XIRP1: variants seen among roughly 807,000 people sequenced by gnomAD.
XIRP1 encodes the protein xin actin-binding repeat-containing protein 1.
For synonymous variants in XIRP1, 984 were observed against 947.0 expected (o/e 1.04, Z -0.72); for missense variants, 2,378 against 2,345.4 (o/e 1.01, Z -0.29).
chr3:39,191,968 A>T (rs1221404594), intron 1 of XIRP1, among the ~76,000 whole-genome samples: 1 of 152,174 alleles, frequency 6.6e-6, no homozygotes, highest in East Asian at 1.9e-4. Flanking sequence ...CCTGGGCCAG[A>T]TATGCCAAGA....
chr3:39,186,041 C>T lies in XIRP1; in HGVS notation c.3405G>A (p.Trp1135Ter), dbSNP rs2039963331. The T allele has an allele frequency of 6.2e-7, 1 of 1,613,422 alleles. No homozygotes were observed. Among genetic ancestry groups the T allele is most frequent in the Non-Finnish European group, 8.5e-7 (1 of 1,179,774 alleles). The change falls in exon 2 of 2, where the codon TGG (tryptophan) becomes TGA (stop). Residue 1135 changes from tryptophan (W) to a stop codon, truncating the protein, a stop_gained. Transcript: ENST00000340369. LOFTEE classifies it low-confidence loss of function (END_TRUNC). ...QALPRGLPGG[W>*]VTIQDGIYTA... ...TGTAGATGCCATCCTGAATTGTCAC[C>T]CACCCCCCAGGCAGCCCTCTGGGTA... is the stretch of plus-strand genomic sequence containing the variant.
At position 39,185,490 on chromosome 3, in the gene XIRP1, G is replaced by A. The variant is rs1423855991; in HGVS notation, c.3956C>T (p.Pro1319Leu). 3.6e-5 allele frequency: 57 copies of A among 1,564,104 alleles called. 1 individual carries two copies. The Admixed American group carries it at 1.0e-3, about 28-fold the overall frequency. ...GGGCAGCTGCGGCTTCTTCTTTGGGGGCATGGTGGGGTCCAGTTTTGGGGT... is the reference window on the plus strand; with the variant it reads ...GGGCAGCTGCGGCTTCTTCTTTGGGAGCATGGTGGGGTCCAGTTTTGGGGT... ...TKTPKLDPTM[P>L]PKKKPQLPPK... The change falls in exon 2 of 2, where the codon CCC becomes CTC. Residue 1319 changes from proline to leucine, a missense_variant. Pro to Leu is a moderately conservative substitution (Grantham distance 98). Transcript: ENST00000340369.
At position 39,189,035 on chromosome 3, in the gene XIRP1, G is replaced by A. The variant is rs1293172523; in HGVS notation, c.411C>T (p.Asn137=). The A allele has an allele frequency of 1.2e-6, 2 of 1,613,964 alleles. No individual in the cohort carries two copies. The highest frequency in any genetic ancestry group is 1.7e-6 in the Non-Finnish European group (2 of 1,180,060). The part of the protein sequence containing the change: ...SRKFEEGSFA[N]STDQEPTRPQ... ...GCCTGGTTGGCTCCTGGTCTGTGCT[G>A]TTGGCAAAGGAGCCTTCCTCAAACT... Residue 137 remains asparagine (N), a synonymous_variant, in exon 2 of 2, where the codon AAC becomes AAT. Coordinates refer to ENST00000340369, the MANE Select transcript of XIRP1 (RefSeq NM_194293.4).
In XIRP1 at chr3:39,183,889, C is replaced by A; in HGVS notation, c.*25G>T. On this transcript the variant is annotated 3_prime_UTR_variant, in exon 2 of 2. Coordinates refer to ENST00000340369, the MANE Select transcript of XIRP1 (RefSeq NM_194293.4). ...GGCAGTGGAGGCCAGGAACAGGTGG[C>A]AGGTGTGGTGGGAGGCGGTGGGCCT... 1 of 1,598,036 alleles carries A rather than the reference C, an allele frequency of 6.3e-7. No individual in the cohort carries two copies. Among genetic ancestry groups the A allele is most frequent in the South Asian group, 1.1e-5 (1 of 89,304 alleles).
At position 39,188,098 on chromosome 3, in the gene XIRP1, A is replaced by C. The variant is rs2040019275; in HGVS notation, c.1348T>G (p.Leu450Val). 6.2e-7 allele frequency: 1 copy of C among 1,614,168 alleles called. No individual in the cohort carries two copies. The change falls in exon 2 of 2, where the codon TTG becomes GTG. Residue 450 changes from leucine to valine, a missense_variant. Physicochemically the swap from Leu to Val is conservative, Grantham distance 32 (BLOSUM62 1). Coordinates refer to ENST00000340369, the MANE Select transcript of XIRP1 (RefSeq NM_194293.4). ...TFKNLFETLPLDSIGQGEVLA... is the reference protein window; with the variant it reads ...TFKNLFETLPVDSIGQGEVLA... ...ACCTCACCCTGTCCAATGCTGTCCA[A>C]GGGAAGGGTCTCAAAAAGGTTCTTA...
chr3:39,184,134 T>C lies in XIRP1; in HGVS notation c.5312A>G (p.Gln1771Arg). The change falls in exon 2 of 2, where the codon CAG (glutamine) becomes CGG (arginine). Residue 1771 changes from glutamine (Q) to arginine (R), a missense_variant. Transcript: ENST00000340369. ...HYGAMRTVTE[Q>R]YEEVDQFGNT... Reference sequence around the variant, plus strand: ...CCCAAACTGGTCCACCTCCTCATACTGTTCAGTCACGGTTCTCATGGCTCC... The same window carrying C: ...CCCAAACTGGTCCACCTCCTCATACCGTTCAGTCACGGTTCTCATGGCTCC... 2 of 1,611,328 alleles carry C rather than the reference T, an allele frequency of 1.2e-6. No homozygotes were observed. Among genetic ancestry groups the C allele is most frequent in the South Asian group, 2.2e-5 (2 of 90,744 alleles).
intron 1 of XIRP1, among the ~76,000 whole-genome samples, chr3:39,190,244 T>A (rs764414144): frequency 6.6e-6 from 1 of 152,072 alleles, no homozygotes; most frequent in Non-Finnish European, 1.5e-5. Flanking sequence ...ATCTCAAAGG[T>A]CTTTTAGCAC....
At position 39,185,821 on chromosome 3, in the gene XIRP1, T is replaced by C; in HGVS notation, c.3625A>G (p.Lys1209Glu). 1 of 1,613,704 alleles carries C rather than the reference T, an allele frequency of 6.2e-7. No homozygotes were observed. Among genetic ancestry groups the C allele is most frequent in the Non-Finnish European group, 8.5e-7 (1 of 1,179,854 alleles). Residue 1209 changes from lysine (K) to glutamate (E), a missense_variant, in exon 2 of 2, where the codon AAG becomes GAG. By Grantham distance (56) the Lys-to-Glu change is moderately conservative (BLOSUM62 1). Coordinates refer to ENST00000340369, the MANE Select transcript of XIRP1 (RefSeq NM_194293.4). ...CCTGGGCAGACTTCTGCCATCGCCT[T>C]CCCTGGTGGCCCCCAGGCCATCTGT... ...CTQMAWGPPGKAMAEVCPGGL... is the reference protein window; with the variant it reads ...CTQMAWGPPGEAMAEVCPGGL...
In XIRP1 at chr3:39,184,801, C is replaced by G; in HGVS notation, c.4645G>C (p.Asp1549His). Reference sequence around the variant, plus strand: ...GCCTTGTGCACAGCCTCTTCAATGTCCAGCAGCCTTGCCAAGGTCTGTTCC... The same window carrying G: ...GCCTTGTGCACAGCCTCTTCAATGTGCAGCAGCCTTGCCAAGGTCTGTTCC... ...LKEQTLARLL[D>H]IEEAVHKALS... is the part of the protein sequence containing the mutation. Residue 1549 changes from aspartate to histidine, a missense_variant, in exon 2 of 2, where the codon GAC (aspartate) becomes CAC (histidine). Physicochemically the swap from Asp to His is moderately conservative, Grantham distance 81 (BLOSUM62 -1). Transcript: ENST00000340369. 6.2e-7 allele frequency: 1 copy of G among 1,614,216 alleles called. No homozygotes were observed. Among genetic ancestry groups the G allele is most frequent in the South Asian group, 1.1e-5 (1 of 91,078 alleles).
At position 39,186,239 on chromosome 3, in the gene XIRP1, G is replaced by T; in HGVS notation, c.3207C>A (p.His1069Gln). The T allele has an allele frequency of 1.9e-6, 3 of 1,613,840 alleles. No homozygotes were observed. The highest frequency in any genetic ancestry group is 2.5e-6 in the Non-Finnish European group (3 of 1,179,944). The change falls in exon 2 of 2, where the codon CAC (histidine) becomes CAA (glutamine). Residue 1069 changes from histidine (H) to glutamine (Q), a missense_variant. His to Gln is a conservative substitution (Grantham distance 24). Coordinates refer to ENST00000340369, the MANE Select transcript of XIRP1 (RefSeq NM_194293.4). ...GCTTGTGCTTGTTCAGAACTTGCTG[G>T]TGCAGGCTCTGGGCTTCAGCTGTTG... ...RMATAEAQSL[H>Q]QQVLNKHKQG...
Position 39,188,812 on chromosome 3 carries a change from G to A in XIRP1, c.634C>T (p.Gln212Ter), listed in dbSNP as rs778143281. Reference sequence around the variant, plus strand: ...TCTGAGCGCAGTTCCAAGGGGCTCTGCTCCTGCAGGGAGGGGCGGGAGCCC... The same window carrying A: ...TCTGAGCGCAGTTCCAAGGGGCTCTACTCCTGCAGGGAGGGGCGGGAGCCC... ...RLGSRPSLQE[Q>*]SPLELRSEIQ... Residue 212 changes from glutamine to a stop codon, truncating the protein, a stop_gained, in exon 2 of 2, where the codon CAG (glutamine) becomes TAG (stop). Coordinates refer to ENST00000340369, the MANE Select transcript of XIRP1 (RefSeq NM_194293.4). LOFTEE classifies it low-confidence loss of function (END_TRUNC). 25 of 1,613,318 alleles carry A rather than the reference G, an allele frequency of 1.5e-5. No individual in the cohort carries two copies. In the South Asian group the frequency reaches 2.6e-4, roughly 17 times the overall value.
chr3:39,184,238 G>C lies in XIRP1; in HGVS notation c.5208C>G (p.Pro1736=), dbSNP rs775042793. The C allele has an allele frequency of 6.2e-6, 10 of 1,614,190 alleles. No homozygotes were observed. The East Asian group carries it at 2.2e-4, about 36-fold the overall frequency. ...ACCCTCTGGGCAGGGGACTGGCTGA[G>C]GGAGGGGCAGGTTCAGGTTGCACAG... ...QCSVQPEPAP[P]SASPLPRGWQ... Residue 1736 remains proline, a synonymous_variant, in exon 2 of 2, where the codon CCC becomes CCG. Transcript: ENST00000340369.
Position 39,186,636 on chromosome 3 carries a change from TCTC to T in XIRP1, c.2807_2809del (p.Gly936del). 1 of 1,610,840 alleles carries T rather than the reference TCTC, an allele frequency of 6.2e-7. No homozygotes were observed. The highest frequency in any genetic ancestry group is 8.5e-7 in the Non-Finnish European group (1 of 1,178,002). Reference sequence around the variant, plus strand: ...CCGCAGACTGTGCAGGCCACTCAGGTCTCCTTTATCTATGCAGCTGGCCAACAG... The same window carrying T: ...CCGCAGACTGTGCAGGCCACTCAGGTCTTTATCTATGCAGCTGGCCAACAG... On this transcript the variant is annotated inframe_deletion, in exon 2 of 2. Coordinates refer to ENST00000340369, the MANE Select transcript of XIRP1 (RefSeq NM_194293.4).
Position 39,185,406 on chromosome 3 carries a change from G to T in XIRP1, c.4040C>A (p.Pro1347His), listed in dbSNP as rs2039947359. 6.2e-7 allele frequency: 1 copy of T among 1,613,930 alleles called. No homozygotes were observed. The change falls in exon 2 of 2, where the codon CCT becomes CAT. Residue 1347 changes from proline (P) to histidine (H), a missense_variant. By Grantham distance (77) the Pro-to-His change is moderately conservative (BLOSUM62 -2). Coordinates refer to ENST00000340369, the MANE Select transcript of XIRP1 (RefSeq NM_194293.4). The part of the protein sequence containing the change: ...HPPQRLPKPL[P>H]LSPSFSSEVG... ...CTCCGAGGAAAAGCTGGGAGATAGA[G>T]GCAAGGGCTTGGGCAGCCTCTGAGG... is the stretch of plus-strand genomic sequence containing the variant.
In XIRP1 at chr3:39,184,515, G is replaced by A. The variant is rs778954080; in HGVS notation, c.4931C>T (p.Thr1644Ile). The A allele has an allele frequency of 6.2e-7, 1 of 1,613,874 alleles. No individual in the cohort carries two copies. Among genetic ancestry groups the A allele is most frequent in the South Asian group, 1.1e-5 (1 of 91,088 alleles). Reference sequence around the variant, plus strand: ...CTCTCTTGATGTCTCCTGCCTCCTGGTGGAAGGGGCAGTTGAGGCTGTGTG... The same window carrying A: ...CTCTCTTGATGTCTCCTGCCTCCTGATGGAAGGGGCAGTTGAGGCTGTGTG... The part of the protein sequence containing the change: ...RGHTASTAPS[T>I]RRQETSREYL... Residue 1644 changes from threonine to isoleucine, a missense_variant, in exon 2 of 2, where the codon ACC (threonine) becomes ATC (isoleucine). Coordinates refer to ENST00000340369, the MANE Select transcript of XIRP1 (RefSeq NM_194293.4).
In XIRP1 at chr3:39,184,587, T is replaced by C; in HGVS notation, c.4859A>G (p.Glu1620Gly). 1 of 1,613,872 alleles carries C rather than the reference T, an allele frequency of 6.2e-7. No individual in the cohort carries two copies. Among genetic ancestry groups the C allele is most frequent in the Non-Finnish European group, 8.5e-7 (1 of 1,179,900 alleles). The change falls in exon 2 of 2, where the codon GAG becomes GGG. Residue 1620 changes from glutamate to glycine, a missense_variant. Transcript: ENST00000340369. ...KNQAKVECHT[E>G]AQSQVKIRNH... ...TCTGATCTTGACTTGACTCTGGGCCTCAGTGTGGCATTCAACCTTGGCTTG... is the reference window on the plus strand; with the variant it reads ...TCTGATCTTGACTTGACTCTGGGCCCCAGTGTGGCATTCAACCTTGGCTTG...
At position 39,188,779 on chromosome 3, in the gene XIRP1, C is replaced by A. The variant is rs761612170; in HGVS notation, c.667G>T (p.Glu223Ter). The change falls in exon 2 of 2, where the codon GAG (glutamate) becomes TAG (stop). Residue 223 changes from glutamate to a stop codon, truncating the protein, a stop_gained. Transcript: ENST00000340369. LOFTEE classifies it low-confidence loss of function (END_TRUNC). The part of the protein sequence containing the change: ...SPLELRSEIQ[E>*]LKGDVKKTVK... The stretch of plus-strand genomic sequence containing the variant: ...GTCTTTTTCACATCACCCTTCAGCT[C>A]CTGGATCTCTGAGCGCAGTTCCAAG... 6.2e-7 allele frequency: 1 copy of A among 1,613,686 alleles called. No individual in the cohort carries two copies.
Position 39,186,086 on chromosome 3 carries a change from G to A in XIRP1, c.3360C>T (p.Val1120=). 1 of 1,614,060 alleles carries A rather than the reference G, an allele frequency of 6.2e-7. No homozygotes were observed. The highest frequency in any genetic ancestry group is 8.5e-7 in the Non-Finnish European group (1 of 1,179,954). The part of the protein sequence containing the change: ...DPRIPAAPRK[V]SREEQALPRG... ...TGGGTAGTGCTTGCTCTTCCCTACT[G>A]ACCTTTCTGGGGGCTGCTGGGATCC... The change falls in exon 2 of 2, where the codon GTC becomes GTT. Residue 1120 remains valine (V), a synonymous_variant. Transcript: ENST00000340369.
chr3:39,188,724 C>G lies in XIRP1; in HGVS notation c.722G>C (p.Cys241Ser). ...GGCGCCCTCTGCATCCTGGATGGCA[C>G]ACAGGGGCTCCGTTTGGAAGAGCTT... ...TVKLFQTEPL[C>S]AIQDAEGAIH... The change falls in exon 2 of 2, where the codon TGT becomes TCT. Residue 241 changes from cysteine to serine, a missense_variant. By Grantham distance (112) the Cys-to-Ser change is moderately radical. Transcript: ENST00000340369. 6.2e-7 allele frequency: 1 copy of G among 1,613,772 alleles called. No homozygotes were observed. Among genetic ancestry groups the G allele is most frequent in the Non-Finnish European group, 8.5e-7 (1 of 1,180,042 alleles).
Sources: allele counts gnomAD v4.1 joint callset (sites outside exome capture counted in the v4.1 genomes callset), GRCh38; gene constraint gnomAD v4.1.1; transcripts MANE v1.5; gene names NCBI Gene and HGNC (gene_info 2026-07-23, HGNC 2026-07-21).